PKD2L2: variants seen among roughly 807,000 people sequenced by gnomAD.
The protein encoded by PKD2L2 is polycystin 2 like 2, transient receptor potential cation channel.
PKD2L2 carries 67 observed loss-of-function variants against 83.9 expected under a neutral mutation model. That is an observed-to-expected ratio of 0.80 (90% CI 0.66 to 0.98). The LOEUF is 0.98. PKD2L2 is among the 50% of genes least tolerant of loss of function. PKD2L2 has a pLI of 0.00. For synonymous variants in PKD2L2, 223 were observed against 237.8 expected, an observed-to-expected ratio of 0.94 and a Z score of 0.57; for missense variants, 632 against 717.2, an observed-to-expected ratio of 0.88 and a Z score of 1.36.
intron 12 of PKD2L2, among the ~76,000 whole-genome samples, chr5:137,928,213 C>G (rs1164508471): frequency 6.6e-6 from 1 of 151,874 alleles, no homozygotes; most frequent in East Asian, 1.9e-4. Context: ...ATACTATCGT[C>G]TTTCTAAGGA....
intron 8 of PKD2L2, among the ~76,000 whole-genome samples, chr5:137,914,165 C>T (rs773712760): frequency 6.6e-5 from 10 of 150,446 alleles, no homozygotes; most frequent in South Asian, 2.1e-4. Flanking sequence ...GCTGGGATTA[C>T]AGGCATGAGC....
At chr5:137,940,302 C>G (rs1389082373) in intron 14 of PKD2L2, 1 of 1,609,032 alleles carries the variant, frequency 6.2e-7, no homozygotes, top group Non-Finnish European at 8.5e-7. Context: ...TTCTTGTACT[C>G]TCTGTACTCC....
At chr5:137,941,800 G>C (rs1761933392) in intron 14 of PKD2L2, 1 of 653,628 alleles carries the variant, frequency 1.5e-6, no homozygotes, top group African/African-American at 1.8e-5. Context: ...CAGGGCCTCA[G>C]AGCATAAAGG....
intron 8 of PKD2L2, among the ~76,000 whole-genome samples, chr5:137,917,924 G>A (rs998245128): frequency 2.0e-5 from 3 of 152,140 alleles, no homozygotes; most frequent in African/African-American, 7.2e-5. Context: ...CAGGCTGGGT[G>A]TGGTGGCTCA....
At position 137,907,617 on chromosome 5, in the gene PKD2L2, T is replaced by A. The variant is rs1007569121; in HGVS notation, c.976-125T>A. 2.5e-4 allele frequency: 118 copies of A among 473,884 alleles called. 1 individual carries two copies. Among genetic ancestry groups the A allele is most frequent in the Non-Finnish European group, 1.6e-4 (44 of 268,840 alleles). 29.4% of individuals were successfully genotyped at this position (473,884 alleles called of 1,614,324 possible). A position where few individuals can be genotyped will look rare whatever the true frequency, so the allele number is the denominator to read the frequency against. ...TAATTTCCATTTATGTAAAAGCATA[T>A]GTCCTATCTTTCCTTCCCTCTTTGT... On this transcript the variant is annotated intron_variant, in intron 6 of 14. Transcript: ENST00000508883.
At chr5:137,890,681 A>G (rs1170729838) in intron 2 of PKD2L2, 99 bp downstream of exon 2, 8 of 552,094 alleles carry the variant, frequency 1.4e-5, no homozygotes, top group African/African-American at 1.4e-4. Context: ...ACAGGCTGTC[A>G]GGCTACTAAA....
At chr5:137,892,401 GAAA>G in intron 2 of PKD2L2, 76 bp from the exon 3 acceptor site, 1 of 737,922 alleles carries the variant, frequency 1.4e-6, no homozygotes, top group Non-Finnish European at 2.0e-6. Context: ...TCAAAATTGA[GAAA>G]AAAATGTAAC....
At chr5:137,926,075 C>A in intron 12 of PKD2L2, 146 bp downstream of exon 12, 1 of 561,910 alleles carries the variant, frequency 1.8e-6, no homozygotes, top group Non-Finnish European at 3.2e-6. Context: ...GAATCTAGAT[C>A]CTTTCATGTT....
intron 12 of PKD2L2, among the ~76,000 whole-genome samples, chr5:137,929,926 T>C (rs1040663707): frequency 1.3e-5 from 2 of 152,284 alleles, no homozygotes; most frequent in Admixed American, 1.3e-4. Context: ...CAAAGGATTC[T>C]AGACAAAAAG....
chr5:137,903,952 C>T (rs938583147), intron 5 of PKD2L2, among the ~76,000 whole-genome samples: 18 of 152,100 alleles, frequency 1.2e-4, no homozygotes, highest in Admixed American at 1.0e-3. Flanking sequence ...GACGGGGTTT[C>T]GCCATGTTGG....
chr5:137,897,973 T>TC (rs1756623730), intron 4 of PKD2L2, among the ~76,000 whole-genome samples: 1 of 151,678 alleles, frequency 6.6e-6, no homozygotes, highest in Admixed American at 6.6e-5. Flanking sequence ...AAAAAAATTT[T>TC]TTTTTTTTTT....
intron 13 of PKD2L2, 31 bp downstream of exon 13, chr5:137,935,940 G>C: frequency 8.4e-7 from 1 of 1,184,176 alleles, no homozygotes; most frequent in Non-Finnish European, 1.3e-6. Flanking sequence ...GACTATTATG[G>C]GATATCATGA....
At position 137,894,550 on chromosome 5, in the gene PKD2L2, T is replaced by C. The variant is rs776400559; in HGVS notation, c.465T>C (p.Tyr155=). The C allele has an allele frequency of 2.5e-6, 4 of 1,613,350 alleles. No homozygotes were observed. Among genetic ancestry groups the C allele is most frequent in the Middle Eastern group, 3.3e-4 (2 of 6,060 alleles). ...TTCAGTCTTTGATGAGTGAATGTTA[T>C]GGCAAATATACTTCTGCAAATGAAG... The part of the protein sequence containing the change: ...SSFQSLMSEC[Y]GKYTSANEDL... The change falls in exon 4 of 15, where the codon TAT becomes TAC. Residue 155 remains tyrosine (Y), a synonymous_variant. Transcript: ENST00000508883.
At chr5:137,890,683 G>A in intron 2 of PKD2L2, 101 bp downstream of exon 2, 1 of 546,846 alleles carries the variant, frequency 1.8e-6, no homozygotes, top group Middle Eastern at 4.8e-4. Flanking sequence ...AGGCTGTCAG[G>A]CTACTAAAAC....
In PKD2L2 at chr5:137,890,528, A is replaced by G. The variant is rs1308235645; in HGVS notation, c.79A>G (p.Thr27Ala). Residue 27 changes from threonine to alanine, a missense_variant, in exon 2 of 15, where the codon ACC becomes GCC. This residue lies in a region of PKD2L2 where 229 missense variants were observed against 281.5 expected (regional missense o/e 0.81). Coordinates refer to ENST00000508883, the MANE Select transcript of PKD2L2 (RefSeq NM_001300921.2). ...LHYRKEVEIT[T>A]TLQELLLYFI... The stretch of plus-strand genomic sequence containing the variant: ...TTACAGAAAGGAAGTAGAAATTACA[A>G]CCACACTTCAGGAATTGTTACTCTA... The G allele has an allele frequency of 1.3e-6, 2 of 1,591,272 alleles. No homozygotes were observed. The highest frequency in any genetic ancestry group is 8.6e-7 in the Non-Finnish European group (1 of 1,167,394).
rs1312240005 is a variant in PKD2L2 at position 137,929,393 on chromosome 5, G to A, written c.1671+3464G>A. On this transcript the variant is annotated intron_variant, in intron 12 of 14. Transcript: ENST00000508883. ...GGAGAACTGCTTGAACCTGGGAGGC[G>A]GAGGTTGCGGTGAGCCGAGATCGGG... Among the ~76,000 whole-genome samples the A allele has an allele frequency of 7.3e-5, 11 of 151,344 alleles. No homozygotes were observed. The East Asian group carries it at 1.7e-3, about 24-fold the overall frequency.
intron 14 of PKD2L2, chr5:137,941,831 T>G (rs1761946550): frequency 7.0e-6 from 6 of 858,634 alleles, no homozygotes; most frequent in Non-Finnish European, 9.1e-6. Flanking sequence ...AATTTTTCAG[T>G]GCTAGCATCC....
At chr5:137,892,409 T>C (rs888577354) in intron 2 of PKD2L2, 71 bp from the exon 3 acceptor site, 2 of 802,186 alleles carry the variant, frequency 2.5e-6, no homozygotes, top group South Asian at 3.7e-5. Context: ...GAGAAAAAAA[T>C]GTAACATTTT....
rs572850367 is a variant in PKD2L2 at position 137,924,398 on chromosome 5, C to T, written c.1552-642C>T. On this transcript the variant is annotated intron_variant, in intron 10 of 14. Coordinates refer to ENST00000508883, the MANE Select transcript of PKD2L2 (RefSeq NM_001300921.2). ...CTCTGCTCAAGTCATTCTCTGACCC[C>T]GGAAATATTCCTACAGCTCTTCTCT... 1.3e-4 allele frequency among the ~76,000 whole-genome samples: 20 copies of T among 152,282 alleles called. No homozygotes were observed. In the South Asian group the frequency reaches 2.1e-3, roughly 16 times the overall value.
Sources: gnomAD v4.1 joint callset for allele counts (sites outside exome capture counted in the v4.1 genomes callset) on GRCh38, gnomAD v4.1.1 for gene constraint, gnomAD v4.1.1 regional missense constraint, MANE v1.5 for transcripts, NCBI Gene and HGNC (gene_info 2026-07-23, HGNC 2026-07-21) for gene names.